The following FGGY variants were observed in gnomAD, a reference collection of about 807,000 sequenced individuals.
FGGY encodes FGGY carbohydrate kinase domain-containing protein.
FGGY carries 72 observed loss-of-function variants against 71.3 expected under a neutral mutation model. The observed-to-expected ratio is 1.01, with a 90% CI of 0.84 to 1.23. FGGY has a LOEUF of 1.23. Ranked by LOEUF, FGGY falls within the 50% of genes most tolerant of loss-of-function variation. FGGY has a pLI of 0.00. For synonymous variants in FGGY, 251 were observed against 250.3 expected (o/e 1.00, Z -0.02); for missense variants, 668 against 682.3 (o/e 0.98, Z 0.23).
At chr1:59,355,377 C>G (rs1233406801) in intron 4 of FGGY, among the ~76,000 whole-genome samples, 1 of 152,134 alleles carries the variant, frequency 6.6e-6, no homozygotes, top group African/African-American at 2.4e-5. Flanking sequence ...GAAAAAAAGA[C>G]TGGCCATATA....
intron 5 of FGGY, among the ~76,000 whole-genome samples, chr1:59,381,184 G>A (rs1002247447): frequency 6.6e-6 from 1 of 152,032 alleles, no homozygotes; most frequent in Admixed American, 6.6e-5. Flanking sequence ...ATGCTGTTTT[G>A]GTTACTGTAG....
chr1:59,369,751 T>C (rs980831823), intron 4 of FGGY, among the ~76,000 whole-genome samples: 26 of 152,086 alleles, frequency 1.7e-4, no homozygotes, highest in Admixed American at 1.7e-3. Flanking sequence ...GCATTCACGG[T>C]TCACGAAAAA....
chr1:59,546,452 T>C (rs1329897044), intron 7 of FGGY, among the ~76,000 whole-genome samples: 2 of 151,918 alleles, frequency 1.3e-5, no homozygotes, highest in African/African-American at 4.8e-5. Flanking sequence ...GCAGTGGCAG[T>C]GTCAAGGTGT....
intron 4 of FGGY, among the ~76,000 whole-genome samples, chr1:59,374,915 G>C: frequency 8.2e-6 from 1 of 121,230 alleles, no homozygotes; most frequent in Admixed American, 8.4e-5. Context: ...TTGTGGGGTG[G>C]GGGGAGGGGG....
At chr1:59,431,938 C>T (rs1450485899) in intron 5 of FGGY, among the ~76,000 whole-genome samples, 1 of 152,090 alleles carries the variant, frequency 6.6e-6, no homozygotes, top group African/African-American at 2.4e-5. Context: ...CTCTTGGGCT[C>T]CTGGATAACT....
chr1:59,387,236 T>G (rs1045432455), intron 5 of FGGY, among the ~76,000 whole-genome samples: 2 of 152,130 alleles, frequency 1.3e-5, no homozygotes, highest in Non-Finnish European at 2.9e-5. Flanking sequence ...CTGATTTTTC[T>G]TTTGTTAAAA....
chr1:59,563,335 T>C (rs950178091), intron 8 of FGGY, among the ~76,000 whole-genome samples: 3 of 152,338 alleles, frequency 2.0e-5, no homozygotes, highest in African/African-American at 7.2e-5. Flanking sequence ...GGAGGCCTTT[T>C]CTGCATCTAT....
chr1:59,486,496 A>G (rs1300622218), intron 6 of FGGY, among the ~76,000 whole-genome samples: 1 of 152,120 alleles, frequency 6.6e-6, no homozygotes, highest in African/African-American at 2.4e-5. Flanking sequence ...GTAGTTGGTA[A>G]GATTTGGGGA....
intron 3 of FGGY, among the ~76,000 whole-genome samples, chr1:59,345,670 C>A (rs1297883772): frequency 2.6e-5 from 4 of 151,120 alleles, no homozygotes; most frequent in African/African-American, 9.8e-5. Flanking sequence ...TGCCTAATTC[C>A]AAAACCCATG....
At chr1:59,504,427 C>G (rs1187321735) in intron 6 of FGGY, among the ~76,000 whole-genome samples, 1 of 152,092 alleles carries the variant, frequency 6.6e-6, no homozygotes, top group Non-Finnish European at 1.5e-5. Context: ...TGGGGGCATT[C>G]TTGGGGACTG....
intron 5 of FGGY, among the ~76,000 whole-genome samples, chr1:59,433,940 CAG>C (rs2067900561): frequency 1.3e-5 from 2 of 152,184 alleles, no homozygotes; most frequent in African/African-American, 4.8e-5. Flanking sequence ...TTGTTAGTGA[CAG>C]AGACATGAAT....
intron 1 of FGGY, among the ~76,000 whole-genome samples, chr1:59,320,241 G>C (rs2046153570): frequency 6.6e-6 from 1 of 152,198 alleles, no homozygotes; most frequent in African/African-American, 2.4e-5. Context: ...TTTTAATGAA[G>C]TTTTTATTGT....
chr1:59,533,346 T>A (rs958272961), intron 7 of FGGY, among the ~76,000 whole-genome samples: 3 of 151,778 alleles, frequency 2.0e-5, no homozygotes. Context: ...GCTCGGAGGG[T>A]CCTACGCCCA....
At chr1:59,413,431 G>A (rs557211504) in intron 5 of FGGY, among the ~76,000 whole-genome samples, 6 of 152,254 alleles carry the variant, frequency 3.9e-5, no homozygotes, top group African/African-American at 1.4e-4. Flanking sequence ...ATAAATGAAA[G>A]AGCCAGTGAA....
intron 5 of FGGY, among the ~76,000 whole-genome samples, chr1:59,441,331 G>C (rs2069825453): frequency 6.6e-6 from 1 of 152,038 alleles, no homozygotes; most frequent in South Asian, 2.1e-4. Flanking sequence ...GCCCAATATT[G>C]GTTTGCAAAT....
chr1:59,535,261 C>G (rs1461197243), intron 7 of FGGY, among the ~76,000 whole-genome samples: 1 of 152,032 alleles, frequency 6.6e-6, no homozygotes, highest in Non-Finnish European at 1.5e-5. Context: ...GTAAAGGGAT[C>G]AATTCAACAA....
intron 9 of FGGY, among the ~76,000 whole-genome samples, chr1:59,613,381 C>A (rs897655425): frequency 9.2e-5 from 14 of 152,166 alleles, no homozygotes; most frequent in Admixed American, 9.2e-4. Flanking sequence ...ACTGAACAAC[C>A]TGCTCCTGAA....
chr1:59,727,117 C>A (rs2097956870), intron 14 of FGGY, among the ~76,000 whole-genome samples: 1 of 152,126 alleles, frequency 6.6e-6, no homozygotes, highest in Admixed American at 6.6e-5. Flanking sequence ...TGTTTAGTTC[C>A]CACTGACAAG....
At chr1:59,461,066 G>A (rs1357288711) in intron 6 of FGGY, among the ~76,000 whole-genome samples, 1 of 152,212 alleles carries the variant, frequency 6.6e-6, no homozygotes, top group East Asian at 1.9e-4. Flanking sequence ...GACGGAGAAT[G>A]ACTTTCACGA....
Sources: gnomAD v4.1 joint callset for allele counts (sites outside exome capture counted in the v4.1 genomes callset) on GRCh38, gnomAD v4.1.1 for gene constraint, MANE v1.5 for transcripts, NCBI Gene and HGNC (gene_info 2026-07-23, HGNC 2026-07-21) for gene names.